PPA2: variants seen among roughly 807,000 people sequenced by gnomAD.
PPA2 encodes the protein inorganic pyrophosphatase 2, mitochondrial.
PPA2 carries 48 observed loss-of-function variants against 49.5 expected under a neutral mutation model. The observed-to-expected ratio is 0.97, with a 90% CI of 0.77 to 1.23. PPA2 has a LOEUF of 1.23. Among genes scored for constraint, PPA2 ranks in the 50% most tolerant of loss-of-function variants. The probability of loss-of-function intolerance (pLI) is 0.00; values close to 1 mark genes in which losing one functional copy is unlikely to be tolerated. For synonymous variants in PPA2, 131 were observed against 139.9 expected (o/e 0.94, Z 0.45); for missense variants, 429 against 410.1 (o/e 1.05, Z -0.40).
intron 1 of PPA2, chr4:105,473,625 G>A (rs1044507703): frequency 3.6e-5 from 25 of 697,870 alleles, no homozygotes; most frequent in Non-Finnish European, 6.3e-5. Context: ...GCGGCTGGCA[G>A]GGCACAGGGC....
At chr4:105,394,793 CTCAAGTCTCA>C (rs1345033239) in intron 9 of PPA2, among the ~76,000 whole-genome samples, 1 of 152,096 alleles carries the variant, frequency 6.6e-6, no homozygotes, top group African/African-American at 2.4e-5. Flanking sequence ...TGGGGAAACA[CTCAAGTCTCA>C]TCAAAGACTG....
chr4:105,442,166 G>A, intron 5 of PPA2, among the ~76,000 whole-genome samples: 1 of 152,112 alleles, frequency 6.6e-6, no homozygotes, highest in Non-Finnish European at 1.5e-5. Context: ...CATCACCTAT[G>A]CTTTCCCAGC....
chr4:105,422,054 C>G (rs995824759), intron 7 of PPA2, among the ~76,000 whole-genome samples: 6 of 152,014 alleles, frequency 3.9e-5, no homozygotes, highest in Non-Finnish European at 5.9e-5. Context: ...AAAAAACTAC[C>G]AAACTTATTT....
At chr4:105,377,525 AT>A (rs1451731509) in intron 10 of PPA2, among the ~76,000 whole-genome samples, 3 of 152,040 alleles carry the variant, frequency 2.0e-5, no homozygotes, top group Non-Finnish European at 1.5e-5. Context: ...AGAAAAAAAA[AT>A]TTTTTTTCAA....
intron 6 of PPA2, among the ~76,000 whole-genome samples, chr4:105,437,482 CA>C (rs1274258649): frequency 6.6e-6 from 1 of 151,722 alleles, no homozygotes; most frequent in East Asian, 1.9e-4. Flanking sequence ...AGCAGGCACA[CA>C]AAAAATGAAA....
chr4:105,459,310 C>T (rs919574061), intron 1 of PPA2, among the ~76,000 whole-genome samples: 3 of 152,150 alleles, frequency 2.0e-5, no homozygotes, highest in Non-Finnish European at 4.4e-5. Flanking sequence ...CATCAGATTT[C>T]AAATTCTCTG....
chr4:105,430,032 C>G (rs1489492251), intron 6 of PPA2, among the ~76,000 whole-genome samples: 1 of 152,126 alleles, frequency 6.6e-6, no homozygotes, highest in Non-Finnish European at 1.5e-5. Context: ...TTGTATATAT[C>G]CTTTTACTTT....
intron 10 of PPA2, among the ~76,000 whole-genome samples, chr4:105,372,160 G>A (rs1168305543): frequency 6.6e-6 from 1 of 152,206 alleles, no homozygotes; most frequent in African/African-American, 2.4e-5. Flanking sequence ...AGGGTCCTGG[G>A]TAGCCAGGAT....
chr4:105,369,742 G>A lies in PPA2; in HGVS notation c.988C>T (p.His330Tyr). Residue 330 changes from histidine (H) to tyrosine (Y), a missense_variant, in exon 12 of 12, where the codon CAC (histidine) becomes TAC (tyrosine). His to Tyr is a moderately conservative substitution (Grantham distance 83). Transcript: ENST00000341695. ...KESNEEEQVWHFLGK is the reference protein window; with the variant it reads ...KESNEEEQVWYFLGK ...TGTTTCAATCACTTGCCAAGGAAGT[G>A]CCACACTTGCTCTGCATTTAAAATG... 6.3e-7 allele frequency: 1 copy of A among 1,591,436 alleles called. No homozygotes were observed. Among genetic ancestry groups the A allele is most frequent in the Non-Finnish European group, 8.6e-7 (1 of 1,159,470 alleles).
chr4:105,397,320 T>C (rs1283553786), intron 8 of PPA2, among the ~76,000 whole-genome samples: 2 of 152,186 alleles, frequency 1.3e-5, no homozygotes, highest in African/African-American at 4.8e-5. Context: ...ACTTATATCT[T>C]AATGAGATAG....
At chr4:105,435,651 C>T (rs991744891) in intron 6 of PPA2, among the ~76,000 whole-genome samples, 1 of 152,080 alleles carries the variant, frequency 6.6e-6, no homozygotes, top group Non-Finnish European at 1.5e-5. Flanking sequence ...GATGGTTGAA[C>T]ATATGCAAAT....
intron 1 of PPA2, among the ~76,000 whole-genome samples, chr4:105,466,600 G>A (rs1223021411): frequency 1.3e-5 from 2 of 152,196 alleles, no homozygotes; most frequent in African/African-American, 4.8e-5. Context: ...CAATTTTACA[G>A]ATGGAATCAG....
At chr4:105,446,999 G>C (rs1158001202) in intron 4 of PPA2, among the ~76,000 whole-genome samples, 1 of 152,044 alleles carries the variant, frequency 6.6e-6, no homozygotes, top group Non-Finnish European at 1.5e-5. Flanking sequence ...AGAGCAATTA[G>C]GCAAGAGAAA....
At chr4:105,408,549 G>A (rs1722594201) in intron 7 of PPA2, among the ~76,000 whole-genome samples, 1 of 152,116 alleles carries the variant, frequency 6.6e-6, no homozygotes. Context: ...AAGAAGGAGG[G>A]AATGGACTGA....
At chr4:105,396,721 C>T (rs899951884) in intron 8 of PPA2, among the ~76,000 whole-genome samples, 5 of 152,114 alleles carry the variant, frequency 3.3e-5, no homozygotes, top group East Asian at 3.8e-4. Flanking sequence ...AGAAATCATA[C>T]GATCTGCAAA....
intron 1 of PPA2, among the ~76,000 whole-genome samples, chr4:105,460,221 CA>C (rs1437188105): frequency 6.6e-6 from 1 of 152,032 alleles, no homozygotes; most frequent in Non-Finnish European, 1.5e-5. Flanking sequence ...TAAAACAATA[CA>C]GTATAACAAC....
At chr4:105,430,568 T>C (rs889733410) in intron 6 of PPA2, among the ~76,000 whole-genome samples, 1 of 152,218 alleles carries the variant, frequency 6.6e-6, no homozygotes, top group Non-Finnish European at 1.5e-5. Context: ...ACGTGCATCA[T>C]TTCTCATAGC....
Position 105,426,536 on chromosome 4 carries a change from C to T in PPA2, c.529-2214G>A, listed in dbSNP as rs189925398. On this transcript the variant is annotated intron_variant, in intron 6 of 11. Transcript: ENST00000341695. ...ACTGACAGACCAGGAGATCCCCTCC[C>T]GTGCCTGGCTCGGCGGGTCCCATGC... Among the ~76,000 whole-genome samples, 246 of 152,368 alleles carry T rather than the reference C, an allele frequency of 1.6e-3. 2 individuals carry two copies. The highest frequency in any genetic ancestry group is 8.9e-3 in the South Asian group (43 of 4,830).
intron 10 of PPA2, among the ~76,000 whole-genome samples, chr4:105,382,084 C>A (rs1360273199): frequency 6.6e-6 from 1 of 151,916 alleles, no homozygotes; most frequent in Non-Finnish European, 1.5e-5. Flanking sequence ...TTAACATACA[C>A]TGACTCAGTT....
Sources: gnomAD v4.1 joint callset for allele counts (sites outside exome capture counted in the v4.1 genomes callset) on GRCh38, gnomAD v4.1.1 for gene constraint, MANE v1.5 for transcripts, NCBI Gene and HGNC (gene_info 2026-07-23, HGNC 2026-07-21) for gene names.